Variants in VWA3A observed in about 807,000 individuals in gnomAD.
The protein encoded by VWA3A is von Willebrand factor A domain containing 3A.
In VWA3A, 134 loss-of-function variants were observed where a neutral mutation model predicts 160.4. That is an observed-to-expected ratio of 0.84 (90% CI 0.73 to 0.96). The LOEUF (loss-of-function observed/expected upper bound fraction) is 0.96, where lower values mean the gene tolerates loss of function less well. Among genes scored for constraint, VWA3A ranks in the 40% least tolerant of loss-of-function variants. VWA3A has a pLI of 0.00. For missense variants in VWA3A, 1,310 were observed against 1,447.9 expected (o/e 0.90, Z 1.55); for synonymous variants, 476 against 543.4 (o/e 0.88, Z 1.72).
chr16:22,129,363 T>C (rs1325039734), intron 17 of VWA3A, among the ~76,000 whole-genome samples: 1 of 131,092 alleles, frequency 7.6e-6, no homozygotes, highest in Non-Finnish European at 1.6e-5. Flanking sequence ...CACTCCAGCC[T>C]GGGCGACACA....
Position 22,121,035 on chromosome 16 carries a change from C to A in VWA3A, c.1184C>A (p.Pro395His). 6.2e-7 allele frequency: 1 copy of A among 1,613,980 alleles called. No individual in the cohort carries two copies. The highest frequency in any genetic ancestry group is 1.1e-5 in the South Asian group (1 of 91,074). ...LLPKPPKHDA[P>H]LTIEFPNLDK... ...CCTAAACCCCCAAAGCATGACGCTC[C>A]TCTCACCATTGAGTTTCCAAACTTG... The change falls in exon 13 of 34, where the codon CCT becomes CAT. Residue 395 changes from proline to histidine, a missense_variant. By Grantham distance (77) the Pro-to-His change is moderately conservative. Coordinates refer to ENST00000389398, the MANE Select transcript of VWA3A (RefSeq NM_173615.5).
At chr16:22,144,501 C>A in intron 26 of VWA3A, 117 bp downstream of exon 26, 2 of 1,408,460 alleles carry the variant, frequency 1.4e-6, no homozygotes, top group Non-Finnish European at 9.4e-7. Context: ...GCCCTCCTCC[C>A]CAAAGTGGGA....
intron 2 of VWA3A, 104 bp from the exon 3 acceptor site, chr16:22,097,468 T>C: frequency 7.0e-7 from 1 of 1,429,468 alleles, no homozygotes; most frequent in South Asian, 1.4e-5. Flanking sequence ...CAGAAAAATG[T>C]TTCTAGAATC....
At chr16:22,138,645 C>A in intron 22 of VWA3A, 133 bp downstream of exon 22, 1 of 1,243,560 alleles carries the variant, frequency 8.0e-7, no homozygotes. Flanking sequence ...CCTGTGGGTG[C>A]CTCTTGCCCA....
chr16:22,151,086 T>A (rs779371389), intron 30 of VWA3A, among the ~76,000 whole-genome samples: 12 of 151,568 alleles, frequency 7.9e-5, no homozygotes, highest in Non-Finnish European at 1.3e-4. Context: ...TCAAGACCAG[T>A]CTGGCCAACA....
rs767713852 is a variant in VWA3A at position 22,144,261 on chromosome 16, T to C, written c.2607T>C (p.Tyr869=). ...TTATTCTAAAGTGGGTGGCAAAATA[T>C]GGGCTCAAAAAATTGAAGCTGGAGA... is the stretch of plus-strand genomic sequence containing the variant. ...VCSSQEWVAK[Y]GLKKLKLEIS... is the part of the protein sequence containing the mutation. The change falls in exon 26 of 34, where the codon TAT becomes TAC. Residue 869 remains tyrosine, a synonymous_variant. Coordinates refer to ENST00000389398, the MANE Select transcript of VWA3A (RefSeq NM_173615.5). The C allele has an allele frequency of 1.9e-6, 3 of 1,612,186 alleles. No individual in the cohort carries two copies. Among genetic ancestry groups the C allele is most frequent in the Admixed American group, 1.7e-5 (1 of 59,606 alleles).
chr16:22,133,174 AT>A, intron 20 of VWA3A, 79 bp downstream of exon 20: 20 of 1,436,546 alleles, frequency 1.4e-5, no homozygotes, highest in Non-Finnish European at 1.9e-5. Context: ...TAGACCACAG[AT>A]GTATTCCAGA....
At chr16:22,133,419 A>G (rs902718378) in intron 20 of VWA3A, among the ~76,000 whole-genome samples, 2 of 152,156 alleles carry the variant, frequency 1.3e-5, no homozygotes, top group African/African-American at 4.8e-5. Flanking sequence ...TGAGAGGCCA[A>G]CGTGGTCAGA....
chr16:22,145,648 A>G (rs1263383356), intron 26 of VWA3A, among the ~76,000 whole-genome samples: 1 of 152,020 alleles, frequency 6.6e-6, no homozygotes, highest in African/African-American at 2.4e-5. Context: ...CTCAAAAAAA[A>G]AAAAAAATCA....
chr16:22,103,555 GC>G, intron 6 of VWA3A, 26 bp downstream of exon 6: 2 of 1,550,774 alleles, frequency 1.3e-6, no homozygotes, highest in Non-Finnish European at 1.7e-6. Flanking sequence ...TTCATTCTTT[GC>G]CCCCTTTCAC....
At chr16:22,138,204 T>C (rs1192954220) in intron 21 of VWA3A, among the ~76,000 whole-genome samples, 156 bp from the exon 22 acceptor site, 2 of 151,700 alleles carry the variant, frequency 1.3e-5, no homozygotes, top group African/African-American at 4.8e-5. Flanking sequence ...GATTGGTCCA[T>C]AGCACTTTCA....
rs1308409275 is a variant in VWA3A at position 22,148,163 on chromosome 16, G to A, written c.2841G>A (p.Gly947=). ...YVQRLQWLLS[G]SRRLFGTVLE... ...TCTTCCCCACCTGTCTCGGAGCAGGGAGCCGCCGACTGTTTGGCACCGTTT... is the reference window on the plus strand; with the variant it reads ...TCTTCCCCACCTGTCTCGGAGCAGGAAGCCGCCGACTGTTTGGCACCGTTT... The change falls in exon 28 of 34, where the codon GGG becomes GGA. Residue 947 remains glycine (G), a splice_region_variant and synonymous_variant. Coordinates refer to ENST00000389398, the MANE Select transcript of VWA3A (RefSeq NM_173615.5). 1.3e-6 allele frequency: 2 copies of A among 1,597,478 alleles called. No homozygotes were observed. The highest frequency in any genetic ancestry group is 1.7e-6 in the Non-Finnish European group (2 of 1,172,322).
At chr16:22,109,383 T>C in intron 6 of VWA3A, 99 bp from the exon 7 acceptor site, 1 of 963,528 alleles carries the variant, frequency 1.0e-6, no homozygotes, top group African/African-American at 1.6e-5. Flanking sequence ...TTGTTAGGGG[T>C]GAGGAAAGTG....
At chr16:22,130,377 G>A (rs943386452) in intron 17 of VWA3A, among the ~76,000 whole-genome samples, 4 of 152,084 alleles carry the variant, frequency 2.6e-5, no homozygotes, top group Non-Finnish European at 5.9e-5. Context: ...AGAGAGGCGC[G>A]GGGCAGAGGG....
rs369110616 is a variant in VWA3A at position 22,131,637 on chromosome 16, C to A, written c.1780C>A (p.Arg594=). 9.3e-6 allele frequency: 15 copies of A among 1,613,752 alleles called. No homozygotes were observed. The highest frequency in any genetic ancestry group is 2.2e-5 in the East Asian group (1 of 44,894). Residue 594 remains arginine, a synonymous_variant, in exon 19 of 34, where the codon CGG becomes AGG. Coordinates refer to ENST00000389398, the MANE Select transcript of VWA3A (RefSeq NM_173615.5). ...CAGCAGGAACGTTCTCAGCGCCCTG[C>A]GGAAGGCTGTGGAAGTAGACTTCAA... ...RGSRNVLSAL[R]KAVEVDFKDK...
intron 6 of VWA3A, 64 bp downstream of exon 6, chr16:22,103,593 C>A: frequency 6.6e-7 from 1 of 1,525,114 alleles, no homozygotes; most frequent in Non-Finnish European, 8.9e-7. Flanking sequence ...TGTTAGAACC[C>A]TTTCAGTTGC....
rs1446072811 is a variant in VWA3A at position 22,132,941 on chromosome 16, C to T, written c.1914C>T (p.Cys638=). 14 of 1,613,638 alleles carry T rather than the reference C, an allele frequency of 8.7e-6. No individual in the cohort carries two copies. Among genetic ancestry groups the T allele is most frequent in the East Asian group, 4.5e-5 (2 of 44,884 alleles). Residue 638 remains cysteine, a synonymous_variant, in exon 20 of 34, where the codon TGC becomes TGT. Transcript: ENST00000389398. ...ACATGGCTGAGGCCTGTGGCGGCTG[C>T]GACCTCCAGCTGAACGTGTGTCTCT... ...SAYMAEACGG[C]DLQLNVCLFY...
At chr16:22,100,563 G>A (rs2045393020) in intron 5 of VWA3A, 70 bp downstream of exon 5, 2 of 1,452,476 alleles carry the variant, frequency 1.4e-6, no homozygotes, top group Non-Finnish European at 1.9e-6. Context: ...GTCCGGGCAT[G>A]GTGGCTTATA....
At chr16:22,151,767 C>CAAA (rs546639535) in intron 30 of VWA3A, among the ~76,000 whole-genome samples, 1 of 138,468 alleles carries the variant, frequency 7.2e-6, no homozygotes. Flanking sequence ...TCAGCTCCTT[C>CAAA]AAAAAAAAAA....
Sources: gnomAD v4.1 joint callset for allele counts (sites outside exome capture counted in the v4.1 genomes callset) on GRCh38, gnomAD v4.1.1 for gene constraint, MANE v1.5 for transcripts, NCBI Gene and HGNC (gene_info 2026-07-23, HGNC 2026-07-21) for gene names.